The following TMCO4 variants were observed in gnomAD, a reference collection of about 807,000 sequenced individuals.
TMCO4 encodes transmembrane and coiled-coil domain-containing protein 4.
TMCO4 carries 58 observed loss-of-function variants against 64.7 expected under a neutral mutation model. The ratio of observed to expected loss-of-function variants is 0.90; its 90% confidence interval spans 0.73 to 1.12. The LOEUF is 1.12. Ranked by LOEUF, TMCO4 falls within the 50% of genes most tolerant of loss-of-function variation. The pLI, the probability that TMCO4 is intolerant of heterozygous loss-of-function variation, is 0.00. For synonymous variants in TMCO4, 325 were observed against 346.1 expected (o/e 0.94, Z 0.68); for missense variants, 780 against 825.9 (o/e 0.94, Z 0.68).
intron 2 of TMCO4, among the ~76,000 whole-genome samples, chr1:19,794,044 C>T (rs957469065): frequency 1.3e-5 from 2 of 151,954 alleles, no homozygotes; most frequent in Non-Finnish European, 2.9e-5. Context: ...GCCTCTCTGC[C>T]CCCCACCCCT....
intron 7 of TMCO4, among the ~76,000 whole-genome samples, chr1:19,754,207 C>T (rs933132885): frequency 3.3e-5 from 5 of 152,148 alleles, no homozygotes; most frequent in Admixed American, 1.3e-4. Flanking sequence ...CAGAACAAAT[C>T]GCTCCGGGTA....
intron 2 of TMCO4, among the ~76,000 whole-genome samples, chr1:19,789,941 T>C (rs1189460606): frequency 6.6e-6 from 1 of 150,800 alleles, no homozygotes; most frequent in Non-Finnish European, 1.5e-5. Flanking sequence ...CAGTCCCAGC[T>C]ACTCGGGAGG....
At chr1:19,716,693 C>G (rs1241090869) in intron 13 of TMCO4, among the ~76,000 whole-genome samples, 1 of 152,130 alleles carries the variant, frequency 6.6e-6, no homozygotes, top group Non-Finnish European at 1.5e-5. Context: ...TGCACCTGCT[C>G]TCTCGAAAAA....
At chr1:19,794,528 T>G (rs946850052) in intron 2 of TMCO4, among the ~76,000 whole-genome samples, 2 of 152,178 alleles carry the variant, frequency 1.3e-5, no homozygotes, top group Non-Finnish European at 2.9e-5. Context: ...TTTGACCCAC[T>G]GGTTTTCAAA....
intron 7 of TMCO4, among the ~76,000 whole-genome samples, chr1:19,748,451 A>G (rs1557561684): frequency 6.6e-6 from 1 of 152,212 alleles, no homozygotes; most frequent in African/African-American, 2.4e-5. Context: ...GTGCTCAACC[A>G]GTACCTGTTT....
At chr1:19,733,465 A>G (rs1009997626) in intron 13 of TMCO4, among the ~76,000 whole-genome samples, 5 of 152,054 alleles carry the variant, frequency 3.3e-5, no homozygotes, top group Admixed American at 2.6e-4. Context: ...TCCATCAAGC[A>G]CCTAGTATGT....
chr1:19,691,853 G>A (rs2095197505), intron 15 of TMCO4, among the ~76,000 whole-genome samples: 1 of 152,142 alleles, frequency 6.6e-6, no homozygotes, highest in East Asian at 1.9e-4. Context: ...AATCATAGGG[G>A]TGGTTTCCCC....
chr1:19,700,736 C>G, intron 14 of TMCO4, 32 bp downstream of exon 14: 1 of 1,575,122 alleles, frequency 6.3e-7, no homozygotes, highest in Non-Finnish European at 8.7e-7. Flanking sequence ...TAAGCATTGT[C>G]ACTTCCCCGC....
intron 13 of TMCO4, among the ~76,000 whole-genome samples, chr1:19,709,938 T>C (rs2095322895): frequency 6.6e-6 from 1 of 151,122 alleles, no homozygotes; most frequent in Non-Finnish European, 1.5e-5. Context: ...ACAGCCACCA[T>C]GCCCAGTTAA....
chr1:19,695,825 C>T lies in TMCO4; in HGVS notation c.1383-1274G>A, dbSNP rs563066486. On this transcript the variant is annotated intron_variant, in intron 14 of 15. Transcript: ENST00000294543. ...CTCTACAGACTCTCCTGCTGTGTCC[C>T]GAAGTGAGATCATCCGTCCCTAACT... is the stretch of plus-strand genomic sequence containing the variant. 1.5e-3 allele frequency among the ~76,000 whole-genome samples: 225 copies of T among 152,268 alleles called. 1 individual carries two copies. Among genetic ancestry groups the T allele is most frequent in the Non-Finnish European group, 2.6e-3 (176 of 68,010 alleles).
At chr1:19,740,721 T>G in intron 11 of TMCO4, 56 bp downstream of exon 11, 2 of 1,550,544 alleles carry the variant, frequency 1.3e-6, no homozygotes, top group Non-Finnish European at 1.8e-6. Context: ...GGTACCACTG[T>G]GTTGGGATGA....
intron 6 of TMCO4, among the ~76,000 whole-genome samples, chr1:19,766,435 T>A (rs1396695676): frequency 1.3e-5 from 2 of 152,198 alleles, no homozygotes; most frequent in Non-Finnish European, 2.9e-5. Context: ...TTGCCCCTTA[T>A]TTGTACTTGA....
At chr1:19,712,596 G>A (rs1490999057) in intron 13 of TMCO4, among the ~76,000 whole-genome samples, 1 of 150,596 alleles carries the variant, frequency 6.6e-6, no homozygotes, top group Non-Finnish European at 1.5e-5. Flanking sequence ...CTCCAGCCTG[G>A]GCAACAGAGC....
At chr1:19,770,386 G>T (rs1336735450) in intron 6 of TMCO4, among the ~76,000 whole-genome samples, 156 bp downstream of exon 6, 5 of 152,140 alleles carry the variant, frequency 3.3e-5, no homozygotes, top group Non-Finnish European at 7.4e-5. Context: ...TGAATGAAGG[G>T]CTCACCAGCT....
chr1:19,692,201 T>G (rs1256618501), intron 15 of TMCO4, among the ~76,000 whole-genome samples: 1 of 152,226 alleles, frequency 6.6e-6, no homozygotes, highest in Non-Finnish European at 1.5e-5. Flanking sequence ...GTCCCCTGAT[T>G]GCTGAAGTCG....
chr1:19,707,777 A>G (rs1294035427), intron 13 of TMCO4, among the ~76,000 whole-genome samples: 1 of 152,032 alleles, frequency 6.6e-6, no homozygotes, highest in East Asian at 1.9e-4. Flanking sequence ...GGTTTAATTG[A>G]CTCACAGATC....
chr1:19,688,317 C>T lies in TMCO4; in HGVS notation c.1501-4873G>A, dbSNP rs563090838. Reference sequence around the variant, plus strand: ...CCAGCCCCGCACATCGTGGGGTTTCCGTGGGAACCAGATCCCTGCAGGTAC... The same window carrying T: ...CCAGCCCCGCACATCGTGGGGTTTCTGTGGGAACCAGATCCCTGCAGGTAC... On this transcript the variant is annotated intron_variant, in intron 15 of 15. Coordinates refer to ENST00000294543, the MANE Select transcript of TMCO4 (RefSeq NM_181719.7). Among the ~76,000 whole-genome samples the T allele has an allele frequency of 2.8e-4, 43 of 152,246 alleles. 1 individual carries two copies. Among genetic ancestry groups the T allele is most frequent in the Non-Finnish European group, 2.1e-4 (14 of 68,018 alleles).
intron 13 of TMCO4, among the ~76,000 whole-genome samples, chr1:19,719,634 T>A (rs889543536): frequency 2.0e-5 from 3 of 151,924 alleles, no homozygotes; most frequent in African/African-American, 7.3e-5. Context: ...GCTCAAATGA[T>A]CCTCTGGACT....
At chr1:19,736,679 G>C (rs773057879) in intron 13 of TMCO4, among the ~76,000 whole-genome samples, 1 of 152,122 alleles carries the variant, frequency 6.6e-6, no homozygotes, top group Non-Finnish European at 1.5e-5. Context: ...CCTACCCAAG[G>C]CCAGGAGCAG....
Sources: gnomAD v4.1 joint callset for allele counts (sites outside exome capture counted in the v4.1 genomes callset) on GRCh38, gnomAD v4.1.1 for gene constraint, MANE v1.5 for transcripts, NCBI Gene and HGNC (gene_info 2026-07-23, HGNC 2026-07-21) for gene names.